The following DBNL variants were observed in gnomAD, a reference collection of about 807,000 sequenced individuals.
The protein encoded by DBNL is drebrin-like protein.
Under a neutral mutation model 62.2 loss-of-function variants are expected in DBNL, and 35 were observed. That is an observed-to-expected ratio of 0.56 (90% CI 0.43 to 0.75). DBNL has a LOEUF of 0.75. DBNL is among the 30% of genes least tolerant of loss of function. The pLI, the probability that DBNL is intolerant of heterozygous loss-of-function variation, is 0.00. For missense variants in DBNL, 495 were observed against 578.4 expected (o/e 0.86, Z 1.48); for synonymous variants, 197 against 218.0 (o/e 0.90, Z 0.85).
In DBNL at chr7:44,059,296, G is replaced by T; in HGVS notation, c.836-58G>T. ...ACACCAGGGTGGAGGGTGCTGTGGG[G>T]TGCGTGGGTGTGTGGTGGTGTTTCT... On this transcript the variant is annotated intron_variant, in intron 9 of 12. Transcript: ENST00000448521. This position sits in a 1 kb window ranked among gnomAD's most constrained non-coding sequence, Gnocchi z 4.1. 6 of 1,553,600 alleles carry T rather than the reference G, an allele frequency of 3.9e-6. No individual in the cohort carries two copies. The highest frequency in any genetic ancestry group is 5.3e-6 in the Non-Finnish European group (6 of 1,132,424).
intron 8 of DBNL, 49 bp from the exon 9 acceptor site, chr7:44,058,853 G>T: frequency 6.2e-7 from 1 of 1,610,522 alleles, no homozygotes; most frequent in Non-Finnish European, 8.5e-7. Context: ...CTGGGGAGAG[G>T]TGGTGAAGGT....
Position 44,062,934 on chromosome 7 carries a change from T to C in DBNL, c.*2018T>C. On this transcript the variant is annotated 3_prime_UTR_variant, in exon 13 of 13. Coordinates refer to ENST00000448521, the MANE Select transcript of DBNL (RefSeq NM_001014436.3). ...ATGATCGCCTGGTCTGACATCCCTATGCCGGAAGGAATAGGTGTCCTTAGC... is the reference window on the plus strand; with the variant it reads ...ATGATCGCCTGGTCTGACATCCCTACGCCGGAAGGAATAGGTGTCCTTAGC... The C allele has an allele frequency of 6.2e-7, 1 of 1,614,170 alleles. No homozygotes were observed. Among genetic ancestry groups the C allele is most frequent in the Non-Finnish European group, 8.5e-7 (1 of 1,180,000 alleles).
In DBNL at chr7:44,060,141, G is replaced by T; in HGVS notation, c.1141G>T (p.Asp381Tyr). 6.2e-7 allele frequency: 1 copy of T among 1,611,224 alleles called. No individual in the cohort carries two copies. Among genetic ancestry groups the T allele is most frequent in the South Asian group, 1.1e-5 (1 of 91,004 alleles). ...GQGLCARALY[D>Y]YQAADDTEIS... ...AGGGCTCTGTGCCCGTGCCCTGTACGACTACCAGGCAGGTAAGGTGCCCTG... is the reference window on the plus strand; with the variant it reads ...AGGGCTCTGTGCCCGTGCCCTGTACTACTACCAGGCAGGTAAGGTGCCCTG... Residue 381 changes from aspartate to tyrosine, a missense_variant, in exon 12 of 13, where the codon GAC becomes TAC. By Grantham distance (160) the Asp-to-Tyr change is radical. Coordinates refer to ENST00000448521, the MANE Select transcript of DBNL (RefSeq NM_001014436.3). This position sits in a 1 kb window ranked among gnomAD's most constrained non-coding sequence, Gnocchi z 6.3.
At position 44,065,265 on chromosome 7, in the gene DBNL, CA is replaced by C; in HGVS notation, c.*4350del. On this transcript the variant is annotated 3_prime_UTR_variant, in exon 13 of 13. Coordinates refer to ENST00000448521, the MANE Select transcript of DBNL (RefSeq NM_001014436.3). ...CCTGTGAGGCCCCCGTAATGCCGCTCATTGAGGCGCCAAGTGCGCACCACAG... is the reference window on the plus strand; with the variant it reads ...CCTGTGAGGCCCCCGTAATGCCGCTCTTGAGGCGCCAAGTGCGCACCACAG... The C allele has an allele frequency of 6.2e-7, 1 of 1,613,796 alleles. No individual in the cohort carries two copies. Among genetic ancestry groups the C allele is most frequent in the Non-Finnish European group, 8.5e-7 (1 of 1,180,046 alleles).
chr7:44,059,006 G>A lies in DBNL; in HGVS notation c.835+23G>A. On this transcript the variant is annotated intron_variant, in intron 9 of 12. Coordinates refer to ENST00000448521, the MANE Select transcript of DBNL (RefSeq NM_001014436.3). The surrounding 1 kb of genome is among the most constrained non-coding windows in gnomAD (Gnocchi z 4.1). The stretch of plus-strand genomic sequence containing the variant: ...CTGGTGAGCTCTCCCTTTGGGCCTG[G>A]CCATGAGGCAGCAGCAGGCTGAGGG... 6.2e-7 allele frequency: 1 copy of A among 1,613,020 alleles called. No individual in the cohort carries two copies. Among genetic ancestry groups the A allele is most frequent in the Non-Finnish European group, 8.5e-7 (1 of 1,179,348 alleles).
rs1562659986 is a variant in DBNL at position 44,062,860 on chromosome 7, CTTGTTCAGCTCA to C, written c.*1946_*1957del. 6.2e-7 allele frequency: 1 copy of C among 1,614,242 alleles called. No individual in the cohort carries two copies. The highest frequency in any genetic ancestry group is 8.5e-7 in the Non-Finnish European group (1 of 1,180,044). The stretch of plus-strand genomic sequence containing the variant: ...GCATGGGCTTGGTGGGCTTCAGCTC[CTTGTTCAGCTCA>C]TACACAATGGGGATCCCCGTGGGCA... On this transcript the variant is annotated 3_prime_UTR_variant, in exon 13 of 13. Transcript: ENST00000448521.
Position 44,060,488 on chromosome 7 carries a change from G to A in DBNL, c.1154-289G>A, listed in dbSNP as rs2096146650. Reference sequence around the variant, plus strand: ...GTTCACCAGGCGTCCCTGGGTGGAGGCCTTGGAGAATGGGGTGGAGGCCCC... The same window carrying A: ...GTTCACCAGGCGTCCCTGGGTGGAGACCTTGGAGAATGGGGTGGAGGCCCC... On this transcript the variant is annotated intron_variant, in intron 12 of 12. Coordinates refer to ENST00000448521, the MANE Select transcript of DBNL (RefSeq NM_001014436.3). The surrounding 1 kb of genome is among the most constrained non-coding windows in gnomAD (Gnocchi z 6.3). Among the ~76,000 whole-genome samples the A allele has an allele frequency of 6.6e-6, 1 of 152,116 alleles. No individual in the cohort carries two copies.
chr7:44,055,394 G>T (rs1249159943), intron 4 of DBNL, among the ~76,000 whole-genome samples: 1 of 152,164 alleles, frequency 6.6e-6, no homozygotes, highest in African/African-American at 2.4e-5. Flanking sequence ...TTGAACCTGG[G>T]AGGTGGAGGT....
rs762102741 is a variant in DBNL, at chr7:44,059,633, A to C, written c.1022A>C (p.Glu341Ala). The change falls in exon 11 of 13, where the codon GAG becomes GCG. Residue 341 changes from glutamate (E) to alanine (A), a missense_variant. Physicochemically the swap from Glu to Ala is moderately radical, Grantham distance 107 (BLOSUM62 -1). Coordinates refer to ENST00000448521, the MANE Select transcript of DBNL (RefSeq NM_001014436.3). The surrounding 1 kb of genome is among the most constrained non-coding windows in gnomAD (Gnocchi z 4.1). ...EAVYEEPPEQETFYEQPPLVQ... is the reference protein window; with the variant it reads ...EAVYEEPPEQATFYEQPPLVQ... ...GTGTATGAGGAACCTCCAGAGCAGG[A>C]GACCTTCTACGAGCAGCCCCCACTG... The C allele has an allele frequency of 2.1e-5, 33 of 1,608,022 alleles. No homozygotes were observed. The highest frequency in any genetic ancestry group is 2.8e-5 in the Non-Finnish European group (33 of 1,179,700).
At position 44,044,723 on chromosome 7, in the gene DBNL, A is replaced by G. The variant is rs2096113568; in HGVS notation, c.-15A>G. The stretch of plus-strand genomic sequence containing the variant: ...CGGAAGCTACAGCAGCGGCGCGGAG[A>G]CTGCGGGGCGGGCCATGGCGGCGAA... On this transcript the variant is annotated 5_prime_UTR_variant, in exon 1 of 13. Coordinates refer to ENST00000448521, the MANE Select transcript of DBNL (RefSeq NM_001014436.3). The G allele has an allele frequency of 4.0e-6, 6 of 1,487,240 alleles. No homozygotes were observed. The highest frequency in any genetic ancestry group is 5.4e-6 in the Non-Finnish European group (6 of 1,120,394). The allele number at this position is 1,487,240 out of a possible 1,614,324, so 92.1% of individuals were successfully genotyped here.
At chr7:44,058,848 G>A in intron 8 of DBNL, 54 bp from the exon 9 acceptor site, 1 of 1,607,776 alleles carries the variant, frequency 6.2e-7, no homozygotes, top group Non-Finnish European at 8.5e-7. Flanking sequence ...GTGATCTGGG[G>A]AGAGGTGGTG....
chr7:44,050,330 A>T, intron 2 of DBNL, 50 bp downstream of exon 2: 1 of 1,601,458 alleles, frequency 6.2e-7, no homozygotes, highest in South Asian at 1.1e-5. Flanking sequence ...TAGGAGGGTG[A>T]CGACGAGGGG....
At position 44,064,841 on chromosome 7, in the gene DBNL, G is replaced by T; in HGVS notation, c.*3925G>T. 1 of 1,601,998 alleles carries T rather than the reference G, an allele frequency of 6.2e-7. No individual in the cohort carries two copies. Among genetic ancestry groups the T allele is most frequent in the Non-Finnish European group, 8.5e-7 (1 of 1,175,142 alleles). Reference sequence around the variant, plus strand: ...CTGAAGGTGGCCTCACCTTCCAGGTGCTTGACAATGCCCCGCAGGCTGTTC... The same window carrying T: ...CTGAAGGTGGCCTCACCTTCCAGGTTCTTGACAATGCCCCGCAGGCTGTTC... On this transcript the variant is annotated 3_prime_UTR_variant, in exon 13 of 13. Coordinates refer to ENST00000448521, the MANE Select transcript of DBNL (RefSeq NM_001014436.3).
intron 1 of DBNL, among the ~76,000 whole-genome samples, chr7:44,049,441 C>T (rs532002559): frequency 7.2e-5 from 11 of 152,200 alleles, no homozygotes; most frequent in East Asian, 1.9e-4. Context: ...GGATTACAGG[C>T]GTGAGCCACT....
chr7:44,064,797 A>AGCCCCCGCTCCAGCAGGTGGC lies in DBNL; in HGVS notation c.*3881_*3882insGCCCCCGCTCCAGCAGGTGGC. ...GAGAAGCCAGCTGGGGCTGCTGCCC[A>AGCCCCCGCTCCAGCAGGTGGC]CCCACCCTGCCCAGGCTCCTGAAGG... On this transcript the variant is annotated 3_prime_UTR_variant, in exon 13 of 13. Transcript: ENST00000448521. 1.6e-6 allele frequency: 1 copy of AGCCCCCGCTCCAGCAGGTGGC among 633,308 alleles called. No homozygotes were observed. Among genetic ancestry groups the AGCCCCCGCTCCAGCAGGTGGC allele is most frequent in the East Asian group, 4.3e-5 (1 of 23,160 alleles). 39.2% of individuals were successfully genotyped at this position (633,308 alleles called of 1,614,324 possible). A position where few individuals can be genotyped will look rare whatever the true frequency, so the allele number is the denominator to read the frequency against.
rs201782405 is a variant in DBNL, at chr7:44,056,534, C to CA, written c.328-222dup. Reference sequence around the variant, plus strand: ...ATAGCACAGTGGAGGTCAAGGGTCTCACGTGAACTGGGACAAGAATGAGGG... The same window carrying CA: ...ATAGCACAGTGGAGGTCAAGGGTCTCAACGTGAACTGGGACAAGAATGAGGG... On this transcript the variant is annotated intron_variant, in intron 4 of 12. Coordinates refer to ENST00000448521, the MANE Select transcript of DBNL (RefSeq NM_001014436.3). Among the ~76,000 whole-genome samples the CA allele has an allele frequency of 2.7e-4, 41 of 152,328 alleles. No individual in the cohort carries two copies. The East Asian group carries it at 7.3e-3, about 27-fold the overall frequency.
Position 44,068,595 on chromosome 7 carries a change from GGAGAA to G in DBNL, c.*7680_*7684del. ...TGAAAACCAGGAAAATCTTAACATG[GGAGAA>G]AAGAAGATGATCAATACATGCCCAT... On this transcript the variant is annotated 3_prime_UTR_variant, in exon 13 of 13. Transcript: ENST00000448521. The G allele has an allele frequency of 6.6e-6, 1 of 152,226 alleles. No homozygotes were observed. Among genetic ancestry groups the G allele is most frequent in the East Asian group, 1.9e-4 (1 of 5,182 alleles). 9.4% of individuals were successfully genotyped at this position (152,226 alleles called of 1,614,324 possible). A position where few individuals can be genotyped will look rare whatever the true frequency, so the allele number is the denominator to read the frequency against.
In DBNL at chr7:44,059,988, A is replaced by C; in HGVS notation, c.1048-60A>C. ...CAGCTTGACCTGAGCCATGTGGGGCAGAGCAGCGATTGTGTGTAAGGGCTG... is the reference window on the plus strand; with the variant it reads ...CAGCTTGACCTGAGCCATGTGGGGCCGAGCAGCGATTGTGTGTAAGGGCTG... On this transcript the variant is annotated intron_variant, in intron 11 of 12. Coordinates refer to ENST00000448521, the MANE Select transcript of DBNL (RefSeq NM_001014436.3). This position sits in a 1 kb window ranked among gnomAD's most constrained non-coding sequence, Gnocchi z 4.1. 1 of 1,530,878 alleles carries C rather than the reference A, an allele frequency of 6.5e-7. No homozygotes were observed. Among genetic ancestry groups the C allele is most frequent in the Non-Finnish European group, 9.0e-7 (1 of 1,116,612 alleles). 94.8% of individuals were successfully genotyped at this position (1,530,878 alleles called of 1,614,324 possible).
At position 44,064,697 on chromosome 7, in the gene DBNL, C is replaced by T; in HGVS notation, c.*3781C>T. On this transcript the variant is annotated 3_prime_UTR_variant, in exon 13 of 13. Transcript: ENST00000448521. ...CAAAACTAAAAAATGGCTTCTCAGC[C>T]CTCCTTTTTCAGTGAATGATGTGGA... is the stretch of plus-strand genomic sequence containing the variant. 1.2e-6 allele frequency: 1 copy of T among 802,446 alleles called. No individual in the cohort carries two copies. Among genetic ancestry groups the T allele is most frequent in the African/African-American group, 1.7e-5 (1 of 58,224 alleles). 49.7% of individuals were successfully genotyped at this position (802,446 alleles called of 1,614,324 possible).
Sources: gnomAD v4.1 joint callset for allele counts (sites outside exome capture counted in the v4.1 genomes callset) on GRCh38, gnomAD v4.1.1 for gene constraint, Gnocchi (gnomAD v3.1) non-coding constraint, MANE v1.5 for transcripts, NCBI Gene and HGNC (gene_info 2026-07-23, HGNC 2026-07-21) for gene names.